The following NALCN variants were observed in gnomAD, a reference collection of about 807,000 sequenced individuals.
NALCN encodes the protein sodium leak channel NALCN.
NALCN carries 111 observed loss-of-function variants against 225.3 expected under a neutral mutation model. The ratio of observed to expected loss-of-function variants is 0.49; its 90% confidence interval spans 0.42 to 0.58. The LOEUF (loss-of-function observed/expected upper bound fraction) is 0.58. Among genes scored for constraint, NALCN ranks in the 20% least tolerant of loss-of-function variants. The pLI, the probability that NALCN is intolerant of heterozygous loss-of-function variation, is 0.00. For missense variants in NALCN, 1,378 were observed against 2,202.4 expected, an observed-to-expected ratio of 0.63 and a Z score of 7.49; for synonymous variants, 764 against 769.0, an observed-to-expected ratio of 0.99 and a Z score of 0.11.
At chr13:101,075,794 A>C in intron 35 of NALCN, 79 bp downstream of exon 35, 4 of 1,205,164 alleles carry the variant, frequency 3.3e-6, no homozygotes, top group Non-Finnish European at 4.7e-6. Flanking sequence ...AACCGAGGTA[A>C]GGCTGTAATC....
Position 101,095,615 on chromosome 13 carries a change from C to T in NALCN, c.3228G>A (p.Arg1076=). The T allele has an allele frequency of 6.2e-7, 1 of 1,613,298 alleles. No individual in the cohort carries two copies. Among genetic ancestry groups the T allele is most frequent in the Non-Finnish European group, 8.5e-7 (1 of 1,179,662 alleles). ...SVSKNLNLKL[R]PGEKKPGFWV... is the part of the protein sequence containing the mutation. ...AAAATCCAGGTTTTTTCTCTCCAGG[C>T]CTCAATTTTAAATTTAAGTTCTTTG... Residue 1076 remains arginine, a synonymous_variant, in exon 28 of 44, where the codon AGG becomes AGA. Coordinates refer to ENST00000251127, the MANE Select transcript of NALCN (RefSeq NM_052867.4).
chr13:101,259,077 A>T (rs2042332532), intron 10 of NALCN, among the ~76,000 whole-genome samples: 1 of 152,092 alleles, frequency 6.6e-6, no homozygotes, highest in Admixed American at 6.6e-5. Context: ...TTTTACTACA[A>T]CTTCTAGTAA....
intron 7 of NALCN, among the ~76,000 whole-genome samples, chr13:101,297,068 C>T (rs2043783008): frequency 6.6e-6 from 1 of 152,052 alleles, no homozygotes; most frequent in Non-Finnish European, 1.5e-5. Flanking sequence ...GACTCTTTTC[C>T]CATGAAAAAA....
intron 43 of NALCN, 124 bp from the exon 44 acceptor site, chr13:101,055,612 A>G (rs1310162310): frequency 2.8e-6 from 2 of 702,886 alleles, no homozygotes; most frequent in Non-Finnish European, 4.6e-6. Flanking sequence ...CACAGATGCT[A>G]AGTAAACATC....
intron 11 of NALCN, among the ~76,000 whole-genome samples, chr13:101,255,931 A>G (rs1999577): frequency 0.036 from 5,445 of 152,176 alleles, 306 homozygotes; most frequent in African/African-American, 0.12. Context: ...CTCTCCCTGT[A>G]GCTGTCTTCT....
Position 101,091,429 on chromosome 13 carries a change from T to G in NALCN, c.3270-1463A>C, listed in dbSNP as rs147158313. 1.7e-4 allele frequency among the ~76,000 whole-genome samples: 26 copies of G among 152,312 alleles called. 2 individuals are homozygous for G. The East Asian group carries it at 5.0e-3, about 29-fold the overall frequency. ...TGTGCCTTCATAAGTTTTTTGAATA[T>G]TAAATAGATGAGGATATAAGAAGAA... On this transcript the variant is annotated intron_variant, in intron 28 of 43. Transcript: ENST00000251127.
Position 101,292,431 on chromosome 13 carries a change from GA to G in NALCN, c.800-66del. On this transcript the variant is annotated intron_variant, in intron 7 of 43. Coordinates refer to ENST00000251127, the MANE Select transcript of NALCN (RefSeq NM_052867.4). The surrounding 1 kb of genome is among the most constrained non-coding windows in gnomAD (Gnocchi z 4.3). ...TTTTGAAATAAGAAAGCATTTTCCA[GA>G]AAAACAATCAATATTTATCCATACT... is the stretch of plus-strand genomic sequence containing the variant. 1 of 1,499,432 alleles carries G rather than the reference GA, an allele frequency of 6.7e-7. No homozygotes were observed. The allele number at this position is 1,499,432 out of a possible 1,614,324, so 92.9% of individuals were successfully genotyped here. A position where few individuals can be genotyped will look rare whatever the true frequency, so the allele number is the denominator to read the frequency against.
chr13:101,306,228 C>G (rs2044150504), intron 7 of NALCN, among the ~76,000 whole-genome samples: 2 of 152,190 alleles, frequency 1.3e-5, no homozygotes, highest in African/African-American at 4.8e-5. Flanking sequence ...CCCTCATTGC[C>G]AGACTCAGCC....
At chr13:101,290,241 T>A (rs1443220657) in intron 9 of NALCN, among the ~76,000 whole-genome samples, 2 of 152,226 alleles carry the variant, frequency 1.3e-5, no homozygotes, top group East Asian at 3.9e-4. Flanking sequence ...ACACTATTTT[T>A]TCCAGCTGTG....
chr13:101,083,137 T>G lies in NALCN; in HGVS notation c.3645A>C (p.Thr1215=). 6.2e-7 allele frequency: 1 copy of G among 1,614,154 alleles called. No homozygotes were observed. The highest frequency in any genetic ancestry group is 8.5e-7 in the Non-Finnish European group (1 of 1,179,990). The stretch of plus-strand genomic sequence containing the variant: ...ACTGGGCCAGGACGAGTAATGCGAT[T>G]GTCCTCTTAAAAAATGGATGCTGGG... ...DITQHPFFKR[T]IALLVLAQSV... Residue 1215 remains threonine (T), a synonymous_variant, in exon 32 of 44, where the codon ACA becomes ACC. Coordinates refer to ENST00000251127, the MANE Select transcript of NALCN (RefSeq NM_052867.4).
chr13:101,264,891 C>T (rs1167106775), intron 10 of NALCN, among the ~76,000 whole-genome samples: 1 of 152,114 alleles, frequency 6.6e-6, no homozygotes. Flanking sequence ...AGTTTTGCAA[C>T]CATTTGGAGG....
chr13:101,134,188 A>AC (rs1374752960), intron 17 of NALCN, among the ~76,000 whole-genome samples: 19 of 152,140 alleles, frequency 1.2e-4, no homozygotes, highest in Non-Finnish European at 5.9e-5. Context: ...AAACAAACAA[A>AC]AAAAAAGATT....
intron 13 of NALCN, among the ~76,000 whole-genome samples, chr13:101,194,888 C>A (rs1428790368): frequency 6.6e-6 from 1 of 152,144 alleles, no homozygotes; most frequent in African/African-American, 2.4e-5. Flanking sequence ...CCTGTAATCC[C>A]AGCTACTCGG....
chr13:101,173,821 T>G (rs1215527194), intron 15 of NALCN, among the ~76,000 whole-genome samples: 1 of 152,188 alleles, frequency 6.6e-6, no homozygotes, highest in Non-Finnish European at 1.5e-5. Flanking sequence ...CATGGACAAT[T>G]GAAACAAATA....
intron 6 of NALCN, among the ~76,000 whole-genome samples, chr13:101,358,885 T>A (rs940813367): frequency 1.2e-4 from 18 of 152,238 alleles, no homozygotes; most frequent in African/African-American, 3.1e-4. Flanking sequence ...TGAGATCATA[T>A]CCTTTGCAGG....
At position 101,248,301 on chromosome 13, in the gene NALCN, T is replaced by C. The variant is rs1242666606; in HGVS notation, c.1266+10142A>G. Among the ~76,000 whole-genome samples, 3 of 152,110 alleles carry C rather than the reference T, an allele frequency of 2.0e-5. No individual in the cohort carries two copies. In the East Asian group the frequency reaches 5.8e-4, roughly 29 times the overall value. ...TAAAGGGACTTAATAGTTCAAAATATTGGGAACGAACCAATAATTTCAGGT... is the reference window on the plus strand; with the variant it reads ...TAAAGGGACTTAATAGTTCAAAATACTGGGAACGAACCAATAATTTCAGGT... On this transcript the variant is annotated intron_variant, in intron 11 of 43. Transcript: ENST00000251127.
At chr13:101,157,798 G>T (rs1005120940) in intron 15 of NALCN, among the ~76,000 whole-genome samples, 1 of 149,748 alleles carries the variant, frequency 6.7e-6, no homozygotes, top group South Asian at 2.1e-4. Flanking sequence ...GTTGCCCAGA[G>T]CTGGAGTGCA....
At chr13:101,307,068 T>C (rs1235518866) in intron 7 of NALCN, among the ~76,000 whole-genome samples, 1 of 152,230 alleles carries the variant, frequency 6.6e-6, no homozygotes, top group Non-Finnish European at 1.5e-5. Flanking sequence ...GCATCTTGTT[T>C]GGGGCCATTA....
intron 14 of NALCN, among the ~76,000 whole-genome samples, chr13:101,180,212 T>C (rs1329191117): frequency 6.8e-6 from 1 of 147,064 alleles, no homozygotes; most frequent in Non-Finnish European, 1.5e-5. Flanking sequence ...GTCTTTTTTT[T>C]TTTTTTTTTT....
Sources: allele counts gnomAD v4.1 joint callset (sites outside exome capture counted in the v4.1 genomes callset), GRCh38; gene constraint gnomAD v4.1.1; non-coding constraint Gnocchi (gnomAD v3.1); transcripts MANE v1.5; gene names NCBI Gene and HGNC (gene_info 2026-07-23, HGNC 2026-07-21).